RTN4: variants seen among roughly 807,000 people sequenced by gnomAD.
The protein encoded by RTN4 is reticulon-4.
A neutral mutation model predicts 90.4 loss-of-function variants in RTN4; 32 were observed. That is an observed-to-expected ratio of 0.35 (90% CI 0.27 to 0.48). The LOEUF (loss-of-function observed/expected upper bound fraction) is 0.48, where lower values mean the gene tolerates loss of function less well. RTN4 is among the 20% of genes least tolerant of loss of function. The pLI, the probability that RTN4 is intolerant of heterozygous loss-of-function variation, is 0.99. For missense variants in RTN4, 1,706 were observed against 1,430.2 expected, an observed-to-expected ratio of 1.19 and a Z score of -3.11; for synonymous variants, 629 against 552.5, an observed-to-expected ratio of 1.14 and a Z score of -1.94.
intron 4 of RTN4, among the ~76,000 whole-genome samples, chr2:54,984,428 A>C (rs1385534014): frequency 1.3e-5 from 2 of 152,266 alleles, no homozygotes; most frequent in Non-Finnish European, 2.9e-5. Context: ...ACTCGCACTG[A>C]TATTTAAACC....
At chr2:55,017,788 T>C (rs888994359) in intron 3 of RTN4, among the ~76,000 whole-genome samples, 2 of 152,142 alleles carry the variant, frequency 1.3e-5, no homozygotes, top group Non-Finnish European at 2.9e-5. Context: ...TCCTTACATA[T>C]GTGAGAAAAT....
At chr2:55,107,403 C>CAAAAAAAAAAAAAAAA (rs35664699) in intron 1 of RTN4, among the ~76,000 whole-genome samples, 2 of 101,230 alleles carry the variant, frequency 2.0e-5, no homozygotes, top group Non-Finnish European at 3.8e-5. Context: ...GACTGAACCT[C>CAAAAAAAAAAAAAAAA]AAAAAAAAAA....
chr2:55,009,485 G>C (rs1373369502), intron 3 of RTN4, among the ~76,000 whole-genome samples: 1 of 152,132 alleles, frequency 6.6e-6, no homozygotes, highest in African/African-American at 2.4e-5. Context: ...TCACTGATTG[G>C]TTATTACAAG....
chr2:54,992,025 C>G (rs567780927), intron 3 of RTN4, among the ~76,000 whole-genome samples: 3 of 152,190 alleles, frequency 2.0e-5, no homozygotes, highest in South Asian at 4.1e-4. Context: ...ACAACATTAT[C>G]TCTTTCAATT....
rs1344219716 is a variant in RTN4 at position 54,982,550 on chromosome 2, G to A, written c.3325C>T (p.Leu1109Phe). The change falls in exon 5 of 9, where the codon CTC becomes TTC. Residue 1109 changes from leucine (L) to phenylalanine (F), a missense_variant. Transcript: ENST00000337526. Reference protein sequence around the residue: ...VNCTIKELRRLFLVDDLVDSL... With the variant: ...VNCTIKELRRFFLVDDLVDSL... ...TCAACTAAATCATCAACTAAGAAGA[G>A]GCGCCTGAGTTCCTTTATCGTGCAG... is the stretch of plus-strand genomic sequence containing the variant. 6.2e-7 allele frequency: 1 copy of A among 1,612,676 alleles called. No individual in the cohort carries two copies.
intron 2 of RTN4, among the ~76,000 whole-genome samples, chr2:55,071,068 G>A (rs1239061160): frequency 2.0e-5 from 3 of 149,780 alleles, no homozygotes; most frequent in Non-Finnish European, 3.0e-5. Context: ...GAGCCACCTC[G>A]CCCTGCCTTT....
intron 2 of RTN4, among the ~76,000 whole-genome samples, chr2:55,072,634 T>C (rs1164950935): frequency 6.6e-6 from 1 of 152,192 alleles, no homozygotes; most frequent in African/African-American, 2.4e-5. Flanking sequence ...TTTTGAGCAA[T>C]TTCTTCTCTT....
At chr2:55,133,708 C>G in the RTN4 span, among the ~76,000 whole-genome samples, 1 of 152,110 alleles carries the variant, frequency 6.6e-6, no homozygotes, top group South Asian at 2.1e-4. Flanking sequence ...TAGCTCTCAC[C>G]GTCCTTAACA....
chr2:55,105,216 T>C (rs1667922778), intron 1 of RTN4, among the ~76,000 whole-genome samples: 2 of 124,352 alleles, frequency 1.6e-5, no homozygotes, highest in Non-Finnish European at 3.5e-5. Context: ...CCCCCTTTTT[T>C]TGCTATTGAA....
chr2:55,070,519 C>G (rs1260735999), intron 2 of RTN4, among the ~76,000 whole-genome samples: 1 of 133,148 alleles, frequency 7.5e-6, no homozygotes, highest in Non-Finnish European at 1.5e-5. Flanking sequence ...GCACTCCAGC[C>G]TGGGTGACTG....
rs542310589 is a variant in RTN4, at chr2:55,026,911, C to T, written c.1188G>A (p.Val396=). ...DFKPFERVWE[V]KDSKEDSDML... ...TATCACTATCTTCCTTACTATCTTT[C>T]ACTTCCCATACTCGCTCAAATGGTT... is the stretch of plus-strand genomic sequence containing the variant. Residue 396 remains valine, a synonymous_variant, in exon 3 of 9, where the codon GTG becomes GTA. Coordinates refer to ENST00000337526, the MANE Select transcript of RTN4 (RefSeq NM_020532.5). 66 of 1,613,744 alleles carry T rather than the reference C, an allele frequency of 4.1e-5. No individual in the cohort carries two copies. In the Admixed American group the frequency reaches 9.0e-4, roughly 22 times the overall value.
chr2:54,998,229 CT>C (rs1187509818), intron 3 of RTN4, among the ~76,000 whole-genome samples: 1 of 129,812 alleles, frequency 7.7e-6, no homozygotes, highest in Non-Finnish European at 1.6e-5. Context: ...GTGTGGGGGG[CT>C]TTTTTTGGGA....
chr2:55,092,746 A>G (rs1002765426), intron 1 of RTN4, among the ~76,000 whole-genome samples: 10 of 152,346 alleles, frequency 6.6e-5, no homozygotes, highest in African/African-American at 2.4e-4. Context: ...AAAACTGACC[A>G]CATATATATG....
Position 55,095,688 on chromosome 2 carries a change from G to A in RTN4, c.-213-15049C>T, listed in dbSNP as rs576469058. 1.2e-4 allele frequency among the ~76,000 whole-genome samples: 18 copies of A among 152,156 alleles called. No homozygotes were observed. The South Asian group carries it at 2.3e-3, about 19-fold the overall frequency. The stretch of plus-strand genomic sequence containing the variant: ...TAAATAGCTGGGACTATAGGCACTC[G>A]CCACCACACCTGGCTAATTTTTAAA... On this transcript the variant is annotated intron_variant, in intron 1 of 3. Coordinates refer to the RTN4 transcript ENST00000427710.
chr2:55,025,130 C>G lies in RTN4; in HGVS notation c.2969G>C (p.Arg990Thr). ...KLPSDTEKED[R>T]SPSAIFSAEL... ...TGCTGAAAATATAGCAGATGGTGAT[C>G]TGTCCTCTTTTTCTGTATCGGAAGG... is the stretch of plus-strand genomic sequence containing the variant. The change falls in exon 3 of 9, where the codon AGA becomes ACA. Residue 990 changes from arginine to threonine, a missense_variant. Physicochemically the swap from Arg to Thr is moderately conservative, Grantham distance 71 (BLOSUM62 -1). Transcript: ENST00000337526. 6.2e-7 allele frequency: 1 copy of G among 1,613,142 alleles called. No individual in the cohort carries two copies. The highest frequency in any genetic ancestry group is 8.5e-7 in the Non-Finnish European group (1 of 1,179,576).
At chr2:55,123,677 G>A in the RTN4 span, among the ~76,000 whole-genome samples, 1 of 151,634 alleles carries the variant, frequency 6.6e-6, no homozygotes, top group African/African-American at 2.4e-5. Context: ...TATACCATAT[G>A]ACACCAAAAG....
At chr2:55,105,888 G>A (rs1457703454) in intron 1 of RTN4, among the ~76,000 whole-genome samples, 4 of 152,092 alleles carry the variant, frequency 2.6e-5, no homozygotes, top group African/African-American at 9.7e-5. Context: ...GCTGAGGCCA[G>A]AGGATCGCTT....
intron 1 of RTN4, among the ~76,000 whole-genome samples, chr2:55,039,333 C>CAG (rs1008802337): frequency 6.6e-5 from 10 of 151,736 alleles, no homozygotes; most frequent in Admixed American, 2.0e-4. Flanking sequence ...AAATAAATTG[C>CAG]AGAGAGAGAG....
intron 2 of RTN4, among the ~76,000 whole-genome samples, chr2:55,057,408 A>T: frequency 6.6e-6 from 1 of 152,220 alleles, no homozygotes; most frequent in Non-Finnish European, 1.5e-5. Context: ...CACAGGTCTA[A>T]TTGAAGTAAG....
Sources: allele counts gnomAD v4.1 joint callset (sites outside exome capture counted in the v4.1 genomes callset), GRCh38; gene constraint gnomAD v4.1.1; transcripts MANE v1.5; gene names NCBI Gene and HGNC (gene_info 2026-07-23, HGNC 2026-07-21).